The following SPAG17 variants were observed in gnomAD, a reference collection of about 807,000 sequenced individuals.
SPAG17 encodes the protein sperm-associated antigen 17.
In SPAG17, 169 loss-of-function variants were observed where a neutral mutation model predicts 273.6. The ratio of observed to expected loss-of-function variants is 0.62; its 90% CI spans 0.55 to 0.70. The LOEUF is 0.70. Among genes scored for constraint, SPAG17 ranks in the 30% least tolerant of loss-of-function variants. SPAG17 has a pLI of 0.00. For synonymous variants in SPAG17, 825 were observed against 873.2 expected, an observed-to-expected ratio of 0.94 and a Z score of 0.97; for missense variants, 2,557 against 2,627.8, an observed-to-expected ratio of 0.97 and a Z score of 0.59.
chr1:118,087,146 G>T (rs1304186284), intron 10 of SPAG17, 138 bp from the exon 11 acceptor site: 2 of 859,396 alleles, frequency 2.3e-6, no homozygotes, highest in East Asian at 2.8e-5. Flanking sequence ...ACACAAAATG[G>T]CAGGAAACTA....
At chr1:118,103,345 G>C (rs941431274) in intron 4 of SPAG17, among the ~76,000 whole-genome samples, 1 of 152,108 alleles carries the variant, frequency 6.6e-6, no homozygotes, top group Non-Finnish European at 1.5e-5. Context: ...ATTTCAATGA[G>C]AATGGAAGTT....
chr1:118,108,684 G>C (rs1656562299), intron 4 of SPAG17, among the ~76,000 whole-genome samples: 1 of 151,848 alleles, frequency 6.6e-6, no homozygotes, highest in East Asian at 1.9e-4. Context: ...TGAAGGAAGA[G>C]TCAAGTTTGC....
chr1:117,958,926 A>T, intron 48 of SPAG17: 1 of 1,614,056 alleles, frequency 6.2e-7, no homozygotes, highest in Non-Finnish European at 8.5e-7. Context: ...CTTTGGACAG[A>T]TCACTAGCAA....
intron 10 of SPAG17, among the ~76,000 whole-genome samples, chr1:118,088,792 CA>C (rs1324632696): frequency 2.0e-5 from 3 of 151,998 alleles, no homozygotes; most frequent in Non-Finnish European, 2.9e-5. Flanking sequence ...CTGGAATTCC[CA>C]AAGGGATAAA....
At chr1:118,022,186 T>C (rs1199158832) in intron 28 of SPAG17, among the ~76,000 whole-genome samples, 2 of 152,160 alleles carry the variant, frequency 1.3e-5, no homozygotes, top group African/African-American at 4.8e-5. Context: ...ACTTGCTAGC[T>C]AAGAGACCTC....
chr1:118,071,415 C>CA (rs1462064734), intron 17 of SPAG17, among the ~76,000 whole-genome samples: 1 of 151,876 alleles, frequency 6.6e-6, no homozygotes, highest in Non-Finnish European at 1.5e-5. Context: ...TTTGGGAGGC[C>CA]AAGGCGGGTG....
chr1:118,146,607 A>G (rs1659006103), intron 3 of SPAG17, among the ~76,000 whole-genome samples: 2 of 152,126 alleles, frequency 1.3e-5, no homozygotes, highest in Admixed American at 1.3e-4. Flanking sequence ...TCTCATTCCT[A>G]TGGCCTTGCT....
At chr1:118,163,073 T>C (rs977685366) in intron 1 of SPAG17, among the ~76,000 whole-genome samples, 1 of 151,828 alleles carries the variant, frequency 6.6e-6, no homozygotes, top group Non-Finnish European at 1.5e-5. Flanking sequence ...AGGACAAGAG[T>C]TCTTCAGCTT....
At position 117,994,491 on chromosome 1, in the gene SPAG17, G is replaced by A; in HGVS notation, c.5093C>T (p.Ala1698Val). The A allele has an allele frequency of 6.2e-7, 1 of 1,612,812 alleles. No homozygotes were observed. Among genetic ancestry groups the A allele is most frequent in the Non-Finnish European group, 8.5e-7 (1 of 1,179,160 alleles). The change falls in exon 35 of 49, where the codon GCA becomes GTA. Residue 1698 changes from alanine to valine, a missense_variant. Physicochemically the swap from Ala to Val is moderately conservative, Grantham distance 64. Transcript: ENST00000336338. ...TTCCTTTTTTACTTGCCATGGTGAT[G>A]CTTCATGGAAAGGGCGAAGGACTGT... ...TITVLRPFHEASPWQVKKEDT... is the reference protein window; with the variant it reads ...TITVLRPFHEVSPWQVKKEDT...
chr1:117,982,748 A>C (rs1008412828), intron 42 of SPAG17, among the ~76,000 whole-genome samples: 7 of 152,114 alleles, frequency 4.6e-5, no homozygotes, highest in Non-Finnish European at 8.8e-5. Flanking sequence ...GTTTCTCCAA[A>C]ATATCTTTTA....
intron 32 of SPAG17, among the ~76,000 whole-genome samples, chr1:118,002,683 T>G (rs964237470): frequency 3.3e-5 from 5 of 152,286 alleles, no homozygotes; most frequent in African/African-American, 9.6e-5. Flanking sequence ...GCTTGGTAGA[T>G]CTTCCTCTAT....
intron 3 of SPAG17, among the ~76,000 whole-genome samples, chr1:118,131,921 T>A (rs1658074203): frequency 6.6e-6 from 1 of 152,210 alleles, no homozygotes; most frequent in Non-Finnish European, 1.5e-5. Context: ...CTTTAAGGAT[T>A]CCCCTTGCCA....
intron 48 of SPAG17, 184 bp from the exon 49 acceptor site, chr1:117,954,233 A>G (rs1178689524): frequency 2.7e-6 from 2 of 751,868 alleles, no homozygotes; most frequent in Non-Finnish European, 4.1e-6. Flanking sequence ...TCACTATATT[A>G]GAAGAAATTG....
chr1:117,981,356 G>A lies in SPAG17; in HGVS notation c.5918C>T (p.Pro1973Leu). The change falls in exon 43 of 49, where the codon CCT becomes CTT. Residue 1973 changes from proline to leucine, a missense_variant. By Grantham distance (98) the Pro-to-Leu change is moderately conservative (BLOSUM62 -3). Transcript: ENST00000336338. The part of the protein sequence containing the change: ...KVSEQKSSSV[P>L]SLPKPEISAD... ...AGAAATCTCTGGTTTTGGAAGACTAGGCACACTTGAGGATTTCTGTTCTGA... is the reference window on the plus strand; with the variant it reads ...AGAAATCTCTGGTTTTGGAAGACTAAGCACACTTGAGGATTTCTGTTCTGA... The A allele has an allele frequency of 6.2e-7, 1 of 1,603,686 alleles. No homozygotes were observed. Among genetic ancestry groups the A allele is most frequent in the Non-Finnish European group, 8.5e-7 (1 of 1,177,560 alleles).
chr1:117,982,714 T>C (rs540241412), intron 42 of SPAG17, among the ~76,000 whole-genome samples: 3 of 152,354 alleles, frequency 2.0e-5, no homozygotes, highest in South Asian at 2.1e-4. Flanking sequence ...CTCTCTTACA[T>C]AGTCTCCTAA....
At chr1:118,150,433 G>A in intron 3 of SPAG17, 110 bp downstream of exon 3, 1 of 540,510 alleles carries the variant, frequency 1.9e-6, no homozygotes, top group Non-Finnish European at 3.2e-6. Context: ...CTCCAATGAG[G>A]AGCAGGCATT....
Position 118,041,845 on chromosome 1 carries a change from T to G in SPAG17, c.3012A>C (p.Thr1004=), listed in dbSNP as rs749231656. ...KEEQVKIQEV[T]EESPHQPEPK... Reference sequence around the variant, plus strand: ...GTTCTGGTTGGTGGGGGGACTCTTCTGTTACTTCTTGGATCTTGACTTGTT... The same window carrying G: ...GTTCTGGTTGGTGGGGGGACTCTTCGGTTACTTCTTGGATCTTGACTTGTT... Residue 1004 remains threonine (T), a synonymous_variant, in exon 21 of 49, where the codon ACA becomes ACC. Coordinates refer to ENST00000336338, the MANE Select transcript of SPAG17 (RefSeq NM_206996.4). 2.7e-5 allele frequency: 43 copies of G among 1,613,744 alleles called. No homozygotes were observed. The Admixed American group carries it at 7.2e-4, about 27-fold the overall frequency.
chr1:118,041,679 T>C (rs567676704), intron 21 of SPAG17, 124 bp downstream of exon 21: 2 of 1,288,356 alleles, frequency 1.6e-6, no homozygotes, highest in African/African-American at 3.0e-5. Context: ...AGCTCATTAA[T>C]ACCAGAAGAA....
Position 117,972,070 on chromosome 1 carries a change from TA to T in SPAG17, c.6142-24del, listed in dbSNP as rs755811771. 11 of 1,572,854 alleles carry T rather than the reference TA, an allele frequency of 7.0e-6. No homozygotes were observed. In the Admixed American group the frequency reaches 1.5e-4, roughly 21 times the overall value. The stretch of plus-strand genomic sequence containing the variant: ...CACCTTTGCATTAAGAAAAAATTAA[TA>T]AAATGGTTCTATTTTGAGTTCCCAA... On this transcript the variant is annotated intron_variant, in intron 44 of 48. Transcript: ENST00000336338.
Sources: gnomAD v4.1 joint callset for allele counts (sites outside exome capture counted in the v4.1 genomes callset) on GRCh38, gnomAD v4.1.1 for gene constraint, MANE v1.5 for transcripts, NCBI Gene and HGNC (gene_info 2026-07-23, HGNC 2026-07-21) for gene names.